Variants in AGO2 observed in about 807,000 individuals in gnomAD.
AGO2 encodes protein argonaute-2.
AGO2 carries 5 observed loss-of-function variants against 102.3 expected under a neutral mutation model. The ratio of observed to expected loss-of-function variants is 0.05; its 90% CI spans 0.03 to 0.10. AGO2 has a LOEUF of 0.10. Among genes scored for constraint, AGO2 ranks in the 10% least tolerant of loss-of-function variants. The pLI is 1.00. For synonymous variants in AGO2, 449 were observed against 473.1 expected (o/e 0.95, Z 0.66); for missense variants, 541 against 1,183.7 (o/e 0.46, Z 7.97).
chr8:140,552,478 G>A (rs958611810), intron 10 of AGO2, among the ~76,000 whole-genome samples: 7 of 152,220 alleles, frequency 4.6e-5, no homozygotes, highest in South Asian at 2.1e-4. Flanking sequence ...CTGGGCTGCC[G>A]TCATTTACTC....
intron 3 of AGO2, among the ~76,000 whole-genome samples, chr8:140,566,413 A>G (rs570616319): frequency 7.2e-5 from 11 of 152,224 alleles, no homozygotes; most frequent in Non-Finnish European, 1.6e-4. Flanking sequence ...AAAATTGGCT[A>G]ATACAGCACC....
intron 10 of AGO2, among the ~76,000 whole-genome samples, chr8:140,553,404 GTTTTTTGTTTTTT>G (rs2073037858): frequency 2.0e-5 from 2 of 101,724 alleles, no homozygotes; most frequent in South Asian, 6.2e-4. Context: ...CAAGTTTTTT[GTTTTTTGTTTTTT>G]TTTTTTTTTG....
At position 140,622,230 on chromosome 8, in the gene AGO2, T is replaced by G. The variant is rs80215836; in HGVS notation, c.22+13255A>C. 1.6e-4 allele frequency among the ~76,000 whole-genome samples: 24 copies of G among 151,916 alleles called. No individual in the cohort carries two copies. The East Asian group carries it at 4.5e-3, about 28-fold the overall frequency. On this transcript the variant is annotated intron_variant, in intron 1 of 18. Coordinates refer to ENST00000220592, the MANE Select transcript of AGO2 (RefSeq NM_012154.5). Reference sequence around the variant, plus strand: ...AGATGGGTAGTTCCCAGGGGCTGGGTGGGAGCGAATGGGGGTGACTACTTA... The same window carrying G: ...AGATGGGTAGTTCCCAGGGGCTGGGGGGGAGCGAATGGGGGTGACTACTTA...
rs1296936587 is a variant in AGO2 at position 140,537,967 on chromosome 8, C to T, written c.2169+1353G>A. ...CCGAGTACCTGGGACTACAGGCGCC[C>T]GCCACCACGCCTGGGTAATTTTATG... is the stretch of plus-strand genomic sequence containing the variant. On this transcript the variant is annotated intron_variant, in intron 16 of 18. Coordinates refer to ENST00000220592, the MANE Select transcript of AGO2 (RefSeq NM_012154.5). Among the ~76,000 whole-genome samples the T allele has an allele frequency of 4.6e-5, 7 of 152,050 alleles. No individual in the cohort carries two copies. In the East Asian group the frequency reaches 5.8e-4, roughly 13 times the overall value.
At chr8:140,629,167 C>T (rs1232599953) in intron 1 of AGO2, among the ~76,000 whole-genome samples, 1 of 152,212 alleles carries the variant, frequency 6.6e-6, no homozygotes, top group Admixed American at 6.5e-5. Flanking sequence ...GGGCCACGGA[C>T]TTTTTTGACA....
At chr8:140,611,962 C>A (rs183266539) in intron 1 of AGO2, among the ~76,000 whole-genome samples, 14 of 152,242 alleles carry the variant, frequency 9.2e-5, no homozygotes, top group African/African-American at 3.1e-4. Flanking sequence ...CGGTGGCTCA[C>A]GCCTGTAATC....
chr8:140,624,958 C>T (rs1392276259), intron 1 of AGO2, among the ~76,000 whole-genome samples: 3 of 152,186 alleles, frequency 2.0e-5, no homozygotes, highest in African/African-American at 7.2e-5. Context: ...GGCCCCCTTG[C>T]TCCAGAGCAT....
Position 140,539,499 on chromosome 8 carries a change from C to A in AGO2, c.2035-45G>T. The A allele has an allele frequency of 1.3e-6, 2 of 1,579,368 alleles. No individual in the cohort carries two copies. Among genetic ancestry groups the A allele is most frequent in the Middle Eastern group, 1.7e-4 (1 of 5,890 alleles). Reference sequence around the variant, plus strand: ...GAGGTTGTGCTTAAAGATGGTAGTGCATGTGAGCAACGGTCCCACGTGCGG... The same window carrying A: ...GAGGTTGTGCTTAAAGATGGTAGTGAATGTGAGCAACGGTCCCACGTGCGG... On this transcript the variant is annotated intron_variant, in intron 15 of 18. Transcript: ENST00000220592. The surrounding 1 kb of genome is among the most constrained non-coding windows in gnomAD (Gnocchi z 4.7).
chr8:140,538,705 T>C (rs1182733836), intron 16 of AGO2, among the ~76,000 whole-genome samples: 1 of 152,232 alleles, frequency 6.6e-6, no homozygotes, highest in Non-Finnish European at 1.5e-5. Context: ...CTCCATGCTG[T>C]GGTTTCTAAC....
chr8:140,541,677 C>T (rs921646978), intron 14 of AGO2, among the ~76,000 whole-genome samples: 24 of 152,132 alleles, frequency 1.6e-4, no homozygotes, highest in Admixed American at 1.1e-3. Flanking sequence ...CCGAGATGGG[C>T]GGATCACCTG....
At chr8:140,534,766 T>TCTGCA (rs2072665649) in intron 17 of AGO2, among the ~76,000 whole-genome samples, 1 of 152,232 alleles carries the variant, frequency 6.6e-6, no homozygotes, top group East Asian at 1.9e-4. Flanking sequence ...AAAGCCCCTC[T>TCTGCA]GATCAAGCTC....
intron 4 of AGO2, among the ~76,000 whole-genome samples, chr8:140,562,095 T>C (rs141591373): frequency 6.6e-6 from 1 of 152,320 alleles, no homozygotes; most frequent in Non-Finnish European, 1.5e-5. Context: ...GTTGCAGACA[T>C]GCATGCAGCA....
intron 1 of AGO2, among the ~76,000 whole-genome samples, chr8:140,633,753 G>T (rs911303931): frequency 2.6e-5 from 4 of 152,174 alleles, no homozygotes; most frequent in African/African-American, 9.7e-5. Context: ...TCGGAAGTCG[G>T]ACCGATTGTC....
intron 1 of AGO2, among the ~76,000 whole-genome samples, chr8:140,627,041 C>T (rs906584755): frequency 2.0e-5 from 3 of 152,150 alleles, no homozygotes; most frequent in East Asian, 1.9e-4. Context: ...CTGATCATCC[C>T]GTCAATCATA....
intron 1 of AGO2, among the ~76,000 whole-genome samples, chr8:140,624,160 G>A (rs2074247698): frequency 6.6e-6 from 1 of 152,158 alleles, no homozygotes; most frequent in African/African-American, 2.4e-5. Context: ...ACTGTCCTCA[G>A]GCCAGCTCCG....
chr8:140,588,632 AAGGGAAGGAAGGAGGAAAGGAGGGAGGG>A lies in AGO2; in HGVS notation c.23-3349_23-3322del, dbSNP rs1211724166. 1.3e-3 allele frequency among the ~76,000 whole-genome samples: 156 copies of A among 121,322 alleles called. 1 individual carries two copies. Among genetic ancestry groups the A allele is most frequent in the African/African-American group, 4.7e-3 (148 of 31,496 alleles). The allele number at this position is 121,322 out of a possible 152,430, so 79.6% of individuals were successfully genotyped here. On this transcript the variant is annotated intron_variant, in intron 1 of 18. Transcript: ENST00000220592. ...GGAGGGAGGGAGGGAGGAAAGGAGG[AAGGGAAGGAAGGAGGAAAGGAGGGAGGG>A]AGGGAAGGAAGGAAGGAAAAAAGCA...
At chr8:140,582,705 C>A (rs1472746257) in intron 2 of AGO2, among the ~76,000 whole-genome samples, 1 of 152,174 alleles carries the variant, frequency 6.6e-6, no homozygotes, top group East Asian at 1.9e-4. Context: ...AGGAGAATAT[C>A]TTTATGATCC....
upstream of AGO2, chr8:140,637,316 C>CA (rs1413439795): frequency 6.6e-6 from 1 of 152,264 alleles, no homozygotes; most frequent in African/African-American, 2.4e-5. Context: ...CACATATCCC[C>CA]AAAACTCGTT....
chr8:140,601,826 T>C (rs952593312), intron 1 of AGO2, among the ~76,000 whole-genome samples: 1 of 152,224 alleles, frequency 6.6e-6, no homozygotes, highest in Non-Finnish European at 1.5e-5. Flanking sequence ...CCAAATATTT[T>C]CTACCCCTAG....
Sources: allele counts gnomAD v4.1 joint callset (sites outside exome capture counted in the v4.1 genomes callset), GRCh38; gene constraint gnomAD v4.1.1; non-coding constraint Gnocchi (gnomAD v3.1); transcripts MANE v1.5; gene names NCBI Gene and HGNC (gene_info 2026-07-23, HGNC 2026-07-21).